Variants in RPS6KA4 observed in about 807,000 individuals in gnomAD.
RPS6KA4 encodes the protein ribosomal protein S6 kinase alpha-4.
Under a neutral mutation model 89.6 loss-of-function variants are expected in RPS6KA4, and 38 were observed. The ratio of observed to expected loss-of-function variants is 0.42; its 90% CI spans 0.33 to 0.56. The LOEUF (loss-of-function observed/expected upper bound fraction) is 0.56, where lower values mean the gene tolerates loss of function less well. Among genes scored for constraint, RPS6KA4 ranks in the 20% least tolerant of loss-of-function variants. The probability of loss-of-function intolerance (pLI) is 0.07; values close to 1 mark genes in which losing one functional copy is unlikely to be tolerated. For missense variants in RPS6KA4, 873 were observed against 1,098.8 expected, an observed-to-expected ratio of 0.79 and a Z score of 2.90; for synonymous variants, 495 against 492.8, an observed-to-expected ratio of 1.00 and a Z score of -0.06.
rs538279864 is a variant in RPS6KA4 at position 64,361,445 on chromosome 11, A to C, written c.571-24A>C. On this transcript the variant is annotated intron_variant, in intron 5 of 16. Coordinates refer to ENST00000334205, the MANE Select transcript of RPS6KA4 (RefSeq NM_003942.3). The surrounding 1 kb of genome is among the most constrained non-coding windows in gnomAD (Gnocchi z 4.7). ...GGGCACAGGAGAGGTTTCGACATCTAAGCAGGACCTCTTGCCCTCCCAGAA... is the reference window on the plus strand; with the variant it reads ...GGGCACAGGAGAGGTTTCGACATCTCAGCAGGACCTCTTGCCCTCCCAGAA... The C allele has an allele frequency of 2.7e-5, 44 of 1,613,346 alleles. No homozygotes were observed. The South Asian group carries it at 4.3e-4, about 16-fold the overall frequency.
rs1349190074 is a variant in RPS6KA4, at chr11:64,359,279, G to A, written c.44G>A (p.Arg15Gln). The change falls in exon 1 of 17, where the codon CGG (arginine) becomes CAG (glutamine). Residue 15 changes from arginine to glutamine, a missense_variant. This residue lies in a region of RPS6KA4 where 49 missense variants were observed against 51.9 expected (regional missense o/e 0.94). Coordinates refer to ENST00000334205, the MANE Select transcript of RPS6KA4 (RefSeq NM_003942.3). The stretch of plus-strand genomic sequence containing the variant: ...GATGAGAGCTGCGCCGTGGAGCTGC[G>A]GATCACAGAAGGTGGGTGTGGGGCC... ...DDDESCAVEL[R>Q]ITEANLTGHE... The A allele has an allele frequency of 6.4e-7, 1 of 1,565,648 alleles. No homozygotes were observed. The highest frequency in any genetic ancestry group is 1.4e-5 in the African/African-American group (1 of 73,586).
rs113072506 is a variant in RPS6KA4, at chr11:64,359,363, C to T, written c.56-15C>T. 6.2e-7 allele frequency: 1 copy of T among 1,612,488 alleles called. No homozygotes were observed. The highest frequency in any genetic ancestry group is 1.7e-4 in the Middle Eastern group (1 of 6,048). On this transcript the variant is annotated splice_polypyrimidine_tract_variant and intron_variant, in intron 1 of 16. Coordinates refer to ENST00000334205, the MANE Select transcript of RPS6KA4 (RefSeq NM_003942.3). ...TCATGGACCGGCTGGGCTCATTCGCCCCCTGTGCCCACAGCCAACCTGACC... is the reference window on the plus strand; with the variant it reads ...TCATGGACCGGCTGGGCTCATTCGCTCCCTGTGCCCACAGCCAACCTGACC...
chr11:64,361,766 A>C lies in RPS6KA4; in HGVS notation c.755+21A>C. 1 of 1,589,766 alleles carries C rather than the reference A, an allele frequency of 6.3e-7. No homozygotes were observed. Among genetic ancestry groups the C allele is most frequent in the Non-Finnish European group, 8.5e-7 (1 of 1,169,868 alleles). The stretch of plus-strand genomic sequence containing the variant: ...TCTCGGTGAGTAGGGCTGGACGTGG[A>C]GGGCGGCCAGAGGGCTGCAGGGCCT... On this transcript the variant is annotated intron_variant, in intron 7 of 16. Coordinates refer to ENST00000334205, the MANE Select transcript of RPS6KA4 (RefSeq NM_003942.3). This position sits in a 1 kb window ranked among gnomAD's most constrained non-coding sequence, Gnocchi z 4.7.
At position 64,361,176 on chromosome 11, in the gene RPS6KA4, C is replaced by T. The variant is rs2036736716; in HGVS notation, c.505C>T (p.Leu169=). ...AGACCTGAAACTGGAGAATGTGCTG[C>T]TGGACTCCGAGGGCCACATTGTCCT... is the stretch of plus-strand genomic sequence containing the variant. ...YRDLKLENVL[L]DSEGHIVLTD... is the part of the protein sequence containing the mutation. Residue 169 remains leucine, a synonymous_variant, in exon 5 of 17, where the codon CTG becomes TTG. Transcript: ENST00000334205. The surrounding 1 kb of genome is among the most constrained non-coding windows in gnomAD (Gnocchi z 4.7). 1.9e-6 allele frequency: 3 copies of T among 1,613,454 alleles called. No homozygotes were observed. The highest frequency in any genetic ancestry group is 2.5e-6 in the Non-Finnish European group (3 of 1,179,984).
chr11:64,369,953 G>C, intron 14 of RPS6KA4, 60 bp downstream of exon 14: 1 of 1,434,332 alleles, frequency 7.0e-7, no homozygotes, highest in Non-Finnish European at 9.2e-7. Flanking sequence ...TCTTCCTGAT[G>C]TGCAGCAGCA....
chr11:64,371,606 C>G lies in RPS6KA4; in HGVS notation c.*126C>G. On this transcript the variant is annotated 3_prime_UTR_variant, in exon 17 of 17. Coordinates refer to ENST00000334205, the MANE Select transcript of RPS6KA4 (RefSeq NM_003942.3). ...CTGTCCTTTCCTCTCCTACCCCACC[C>G]CACTCCCAGACAGAGCAGAAGTATT... 1.7e-6 allele frequency: 1 copy of G among 578,560 alleles called. No individual in the cohort carries two copies. The highest frequency in any genetic ancestry group is 2.9e-5 in the East Asian group (1 of 34,374). The allele number at this position is 578,560 out of a possible 1,614,324, so 35.8% of individuals were successfully genotyped here.
chr11:64,371,181 G>T, intron 16 of RPS6KA4, 102 bp from the exon 17 acceptor site: 3 of 1,119,410 alleles, frequency 2.7e-6, no homozygotes, highest in South Asian at 1.4e-5. Context: ...TGTCGGCCTT[G>T]ACCTAGGCGG....
At chr11:64,359,881 A>G in intron 2 of RPS6KA4, 1 of 556,664 alleles carries the variant, frequency 1.8e-6, no homozygotes, top group South Asian at 2.3e-5. Flanking sequence ...GATCTCTCGC[A>G]GGTTTGCATA....
rs538028902 is a variant in RPS6KA4 at position 64,367,765 on chromosome 11, A to AG, written c.1072-366dup. 4.1e-3 allele frequency among the ~76,000 whole-genome samples: 627 copies of AG among 152,294 alleles called. 5 individuals carry two copies. Among genetic ancestry groups the AG allele is most frequent in the East Asian group, 0.02 (102 of 5,180 alleles). On this transcript the variant is annotated intron_variant, in intron 9 of 16. Transcript: ENST00000334205. ...AAGTCCGGCTTGAAAGGGAGGAATA[A>AG]GTTTTTTTTCCTCAGCGGATAGAGT...
chr11:64,364,373 C>T (rs1443684449), intron 8 of RPS6KA4, among the ~76,000 whole-genome samples: 2 of 152,058 alleles, frequency 1.3e-5, no homozygotes, highest in Non-Finnish European at 2.9e-5. Flanking sequence ...TTTTGGTCAC[C>T]CCTAACTGCA....
At chr11:64,366,080 C>T (rs61886926) in intron 9 of RPS6KA4, among the ~76,000 whole-genome samples, 44,766 of 151,564 alleles carry the variant, frequency 0.3, 7,874 homozygotes, top group Non-Finnish European at 0.38. Context: ...CACGTGGACA[C>T]CTAGGAGGAG....
Position 64,361,652 on chromosome 11 carries a change from G to A in RPS6KA4, c.662G>A (p.Trp221Ter). The change falls in exon 7 of 17, where the codon TGG (tryptophan) becomes TAG (stop). Residue 221 changes from tryptophan (W) to a stop codon, truncating the protein, a stop_gained. Coordinates refer to ENST00000334205, the MANE Select transcript of RPS6KA4 (RefSeq NM_003942.3). LOFTEE classifies it high-confidence loss of function. This position sits in a 1 kb window ranked among gnomAD's most constrained non-coding sequence, Gnocchi z 4.7. ...SKTGHGKAVD[W>*]WSLGILLFEL... ...GGCTCCACCCGGCAGGCTGTGGACT[G>A]GTGGAGCCTGGGCATCTTGCTCTTC... is the stretch of plus-strand genomic sequence containing the variant. The A allele has an allele frequency of 6.2e-7, 1 of 1,613,174 alleles. No homozygotes were observed. Among genetic ancestry groups the A allele is most frequent in the African/African-American group, 1.3e-5 (1 of 75,056 alleles).
rs1394817553 is a variant in RPS6KA4 at position 64,369,909 on chromosome 11, C to G, written c.1797+16C>G. ...CGTCATTCTGGTATGGGACGCGGTC[C>G]TTGAGGCGGGGTCAGGGTCGCTCGG... On this transcript the variant is annotated intron_variant, in intron 14 of 16. Transcript: ENST00000334205. The G allele has an allele frequency of 1.3e-6, 2 of 1,520,290 alleles. No individual in the cohort carries two copies. Among genetic ancestry groups the G allele is most frequent in the South Asian group, 2.4e-5 (2 of 82,036 alleles). 94.2% of individuals were successfully genotyped at this position (1,520,290 alleles called of 1,614,324 possible).
At position 64,365,353 on chromosome 11, in the gene RPS6KA4, C is replaced by A. The variant is rs765113912; in HGVS notation, c.959C>A (p.Pro320His). 2.5e-6 allele frequency: 4 copies of A among 1,613,934 alleles called. No individual in the cohort carries two copies. In the African/African-American group the frequency reaches 5.3e-5, roughly 22 times the overall value. ...AARKIPAPFR[P>H]QIRSELDVGN... ...AGGAAGATTCCAGCCCCATTCCGGC[C>A]CCAAATCCGCTCAGAGCTGGATGTG... Residue 320 changes from proline (P) to histidine (H), a missense_variant, in exon 9 of 17, where the codon CCC (proline) becomes CAC (histidine). By Grantham distance (77) the Pro-to-His change is moderately conservative. Transcript: ENST00000334205.
rs370157817 is a variant in RPS6KA4 at position 64,369,020 on chromosome 11, G to A, written c.1428+223G>A. The stretch of plus-strand genomic sequence containing the variant: ...AAGAAAAGGGACTTTGGCCGGGCGC[G>A]ATGGCTCACGCCTGTGATCCCAGCA... On this transcript the variant is annotated intron_variant, in intron 12 of 16. Coordinates refer to ENST00000334205, the MANE Select transcript of RPS6KA4 (RefSeq NM_003942.3). 3.9e-5 allele frequency among the ~76,000 whole-genome samples: 6 copies of A among 152,276 alleles called. No homozygotes were observed. In the South Asian group the frequency reaches 1.2e-3, roughly 32 times the overall value.
Position 64,360,225 on chromosome 11 carries a change from A to G in RPS6KA4, c.190A>G (p.Met64Val). Residue 64 changes from methionine (M) to valine (V), a missense_variant, in exon 3 of 17, where the codon ATG becomes GTG. By Grantham distance (21) the Met-to-Val change is conservative. Coordinates refer to ENST00000334205, the MANE Select transcript of RPS6KA4 (RefSeq NM_003942.3). Reference protein sequence around the residue: ...GGHDAGKLYAMKVLRKAALVQ... With the variant: ...GGHDAGKLYAVKVLRKAALVQ... ...GCACGACGCGGGGAAGCTGTACGCCATGAAGGTGCTGCGCAAGGCGGCGCT... is the reference window on the plus strand; with the variant it reads ...GCACGACGCGGGGAAGCTGTACGCCGTGAAGGTGCTGCGCAAGGCGGCGCT... 1.3e-6 allele frequency: 2 copies of G among 1,548,320 alleles called. No homozygotes were observed. Among genetic ancestry groups the G allele is most frequent in the East Asian group, 2.4e-5 (1 of 40,962 alleles).
chr11:64,360,944 C>T, intron 4 of RPS6KA4, 190 bp from the exon 5 acceptor site: 1 of 582,514 alleles, frequency 1.7e-6, no homozygotes, highest in Non-Finnish European at 3.0e-6. Context: ...GGGGCCTGAT[C>T]CACGGGGCCC....
chr11:64,361,397 A>T lies in RPS6KA4; in HGVS notation c.571-72A>T, dbSNP rs1352295690. The T allele has an allele frequency of 6.4e-7, 1 of 1,559,674 alleles. No individual in the cohort carries two copies. Among genetic ancestry groups the T allele is most frequent in the Non-Finnish European group, 8.8e-7 (1 of 1,134,194 alleles). Reference sequence around the variant, plus strand: ...CAACCTCACAAGTTGAGCGAGTCTTACTCTGGGCCTTGTGGGGCACTGGGG... The same window carrying T: ...CAACCTCACAAGTTGAGCGAGTCTTTCTCTGGGCCTTGTGGGGCACTGGGG... On this transcript the variant is annotated intron_variant, in intron 5 of 16. Transcript: ENST00000334205. The surrounding 1 kb of genome is among the most constrained non-coding windows in gnomAD (Gnocchi z 4.7).
At chr11:64,359,516 C>G in intron 2 of RPS6KA4, 67 bp downstream of exon 2, 1 of 1,553,374 alleles carries the variant, frequency 6.4e-7, no homozygotes, top group South Asian at 1.1e-5. Flanking sequence ...CCTGCTCACT[C>G]TTGGGCCTGG....
Sources: gnomAD v4.1 joint callset for allele counts (sites outside exome capture counted in the v4.1 genomes callset) on GRCh38, gnomAD v4.1.1 for gene constraint, gnomAD v4.1.1 regional missense constraint, Gnocchi (gnomAD v3.1) non-coding constraint, MANE v1.5 for transcripts, NCBI Gene and HGNC (gene_info 2026-07-23, HGNC 2026-07-21) for gene names.